Variants in EXOC4 observed in about 807,000 individuals in gnomAD.
EXOC4 encodes exocyst complex component 4.
A neutral mutation model predicts 107.2 loss-of-function variants in EXOC4; 71 were observed. The ratio of observed to expected loss-of-function variants is 0.66; its 90% CI spans 0.55 to 0.81. The LOEUF is 0.81. Ranked by LOEUF, EXOC4 falls within the 30% of genes least tolerant of loss-of-function variation. EXOC4 has a pLI of 0.00. For missense variants in EXOC4, 1,108 were observed against 1,189.6 expected, an observed-to-expected ratio of 0.93 and a Z score of 1.01; for synonymous variants, 456 against 441.2, an observed-to-expected ratio of 1.03 and a Z score of -0.42.
chr7:133,405,125 T>C (rs1409734291), intron 7 of EXOC4, among the ~76,000 whole-genome samples: 1 of 152,138 alleles, frequency 6.6e-6, no homozygotes, highest in African/African-American at 2.4e-5. Flanking sequence ...GTACTGTTTC[T>C]TTATTTTGTC....
the EXOC4 span, among the ~76,000 whole-genome samples, chr7:134,098,384 C>T: frequency 6.6e-6 from 1 of 152,140 alleles, no homozygotes; most frequent in African/African-American, 2.4e-5. Flanking sequence ...GTGAGTAGTG[C>T]TCACATCAGT....
At chr7:134,083,444 A>G in the EXOC4 span, among the ~76,000 whole-genome samples, 1 of 152,296 alleles carries the variant, frequency 6.6e-6, no homozygotes, top group Middle Eastern at 3.4e-3. Context: ...ATTCTATCTC[A>G]TGATACCATG....
chr7:133,471,137 T>C (rs7787544), intron 7 of EXOC4, among the ~76,000 whole-genome samples: 142,046 of 152,200 alleles, frequency 0.93, 67,114 homozygotes, highest in East Asian at 1. Flanking sequence ...TCTGGCCGGG[T>C]GTGCTGGCTC....
chr7:134,060,574 G>A (rs1377610219), intron 17 of EXOC4, among the ~76,000 whole-genome samples: 1 of 152,186 alleles, frequency 6.6e-6, no homozygotes, highest in Non-Finnish European at 1.5e-5. Flanking sequence ...GCCTCAATAA[G>A]TGCTGATAAA....
At chr7:133,827,244 T>A (rs561490596) in intron 11 of EXOC4, among the ~76,000 whole-genome samples, 3 of 152,328 alleles carry the variant, frequency 2.0e-5, no homozygotes, top group African/African-American at 7.2e-5. Flanking sequence ...TGAAGAAGGC[T>A]GTGAGTTGAG....
intron 10 of EXOC4, among the ~76,000 whole-genome samples, chr7:133,730,861 T>A (rs1397100148): frequency 1.3e-5 from 2 of 152,188 alleles, no homozygotes; most frequent in Admixed American, 6.5e-5. Flanking sequence ...ACTTTGGTAA[T>A]TTTTTGGTGA....
chr7:134,089,130 A>G, the EXOC4 span, among the ~76,000 whole-genome samples: 11 of 152,322 alleles, frequency 7.2e-5, no homozygotes, highest in Non-Finnish European at 1.6e-4. Context: ...TTCAATTTAC[A>G]GAAAAACTGA....
intron 7 of EXOC4, among the ~76,000 whole-genome samples, chr7:133,474,043 G>A (rs1485533446): frequency 6.6e-6 from 1 of 152,080 alleles, no homozygotes; most frequent in Non-Finnish European, 1.5e-5. Flanking sequence ...GCTACTGTGT[G>A]TGTTTAATCA....
intron 14 of EXOC4, among the ~76,000 whole-genome samples, chr7:133,954,948 G>A (rs1020553763): frequency 1.3e-5 from 2 of 152,248 alleles, no homozygotes; most frequent in Admixed American, 6.5e-5. Context: ...CAGGGAACAC[G>A]GTGGTACACG....
intron 16 of EXOC4, among the ~76,000 whole-genome samples, chr7:134,006,504 T>G (rs549420668): frequency 3.3e-5 from 5 of 152,298 alleles, no homozygotes; most frequent in African/African-American, 1.2e-4. Flanking sequence ...GCAATGTTGT[T>G]TGAGTGTAGC....
At chr7:133,877,292 A>G (rs1245121800) in intron 11 of EXOC4, among the ~76,000 whole-genome samples, 1 of 151,856 alleles carries the variant, frequency 6.6e-6, no homozygotes, top group Non-Finnish European at 1.5e-5. Context: ...TTCTCCTCAT[A>G]TATTTTCCAA....
At chr7:133,501,582 T>C (rs565113335) in intron 9 of EXOC4, among the ~76,000 whole-genome samples, 8 of 152,292 alleles carry the variant, frequency 5.3e-5, no homozygotes, top group African/African-American at 1.7e-4. Flanking sequence ...CTTATTAAAA[T>C]AGACATTGTG....
At chr7:133,678,585 C>T (rs555359751) in intron 10 of EXOC4, among the ~76,000 whole-genome samples, 18 of 151,878 alleles carry the variant, frequency 1.2e-4, no homozygotes, top group Non-Finnish European at 2.4e-4. Context: ...ACCAAGCAAG[C>T]TCTTGATTGC....
chr7:133,414,627 A>G (rs1040700286), intron 7 of EXOC4, among the ~76,000 whole-genome samples: 1 of 152,188 alleles, frequency 6.6e-6, no homozygotes, highest in African/African-American at 2.4e-5. Context: ...CTAGTTGCAC[A>G]TGTATCCACA....
At chr7:134,047,882 C>A (rs766937653) in intron 17 of EXOC4, among the ~76,000 whole-genome samples, 11 of 152,274 alleles carry the variant, frequency 7.2e-5, no homozygotes, top group African/African-American at 9.6e-5. Flanking sequence ...CATGGCCTTG[C>A]GGTAAAGAAA....
chr7:133,712,165 C>T (rs763472318), intron 10 of EXOC4, among the ~76,000 whole-genome samples: 6 of 152,082 alleles, frequency 3.9e-5, no homozygotes, highest in Non-Finnish European at 7.4e-5. Context: ...TCTGGCCGGA[C>T]GCAGTGGCTC....
At chr7:133,312,850 T>G (rs1794905610) in intron 4 of EXOC4, among the ~76,000 whole-genome samples, 1 of 152,104 alleles carries the variant, frequency 6.6e-6, no homozygotes, top group Non-Finnish European at 1.5e-5. Context: ...TTTTTAAGTA[T>G]TTTCAAGAAA....
intron 14 of EXOC4, among the ~76,000 whole-genome samples, chr7:133,945,233 A>G (rs1344807453): frequency 1.3e-5 from 2 of 152,224 alleles, no homozygotes; most frequent in Non-Finnish European, 1.5e-5. Flanking sequence ...GCCTCATCGC[A>G]TTAGAAATGC....
chr7:133,967,519 T>C (rs1255174756), intron 14 of EXOC4, among the ~76,000 whole-genome samples: 1 of 152,228 alleles, frequency 6.6e-6, no homozygotes, highest in African/African-American at 2.4e-5. Flanking sequence ...GAGATTCTGG[T>C]ATGTTGTGTC....
Sources: allele counts gnomAD v4.1 joint callset (sites outside exome capture counted in the v4.1 genomes callset), GRCh38; gene constraint gnomAD v4.1.1; transcripts MANE v1.5; gene names NCBI Gene and HGNC (gene_info 2026-07-23, HGNC 2026-07-21).